Variants in TNN observed in about 807,000 individuals in gnomAD.
TNN encodes the protein tenascin-N.
In TNN, 122 loss-of-function variants were observed where a neutral mutation model predicts 134.4. The ratio of observed to expected loss-of-function variants is 0.91; its 90% CI spans 0.78 to 1.06. The LOEUF (loss-of-function observed/expected upper bound fraction) is 1.06. Among genes scored for constraint, TNN ranks in the 50% least tolerant of loss-of-function variants. TNN has a pLI of 0.00. For synonymous variants in TNN, 710 were observed against 670.3 expected (o/e 1.06, Z -0.91); for missense variants, 1,739 against 1,699.4 (o/e 1.02, Z -0.41).
chr1:175,100,380 A>T (rs1483889351), intron 9 of TNN, among the ~76,000 whole-genome samples: 4 of 152,192 alleles, frequency 2.6e-5, no homozygotes, highest in African/African-American at 9.6e-5. Flanking sequence ...AAAGTCTGTA[A>T]GGGATTCCAT....
At chr1:175,108,398 A>G (rs1574158065) in intron 9 of TNN, among the ~76,000 whole-genome samples, 1 of 152,200 alleles carries the variant, frequency 6.6e-6, no homozygotes, top group East Asian at 1.9e-4. Context: ...GGCTTCACCG[A>G]GTGGATCCCG....
At chr1:175,120,825 G>C (rs546564924) in intron 11 of TNN, among the ~76,000 whole-genome samples, 5 of 152,138 alleles carry the variant, frequency 3.3e-5, no homozygotes, top group Non-Finnish European at 7.3e-5. Context: ...TTCAGAGACA[G>C]GGTCTCATTC....
rs57690785 is a variant in TNN, at chr1:175,118,547, A to ATT, written c.2387-5_2387-4dup. On this transcript the variant is annotated splice_polypyrimidine_tract_variant and intron_variant, in intron 10 of 18. Coordinates refer to ENST00000239462, the MANE Select transcript of TNN (RefSeq NM_022093.2). ...CTGTTCATAGTGCATATTGGTCAGC[A>ATT]TTTTTTTTTTCAGACATTGACAGCC... 354 of 1,517,982 alleles carry ATT rather than the reference A, an allele frequency of 2.3e-4. No individual in the cohort carries two copies. Among genetic ancestry groups the ATT allele is most frequent in the African/African-American group, 7.8e-4 (56 of 71,842 alleles). The allele number at this position is 1,517,982 out of a possible 1,614,324, so 94.0% of individuals were successfully genotyped here. A position where few individuals can be genotyped will look rare whatever the true frequency, so the allele number is the denominator to read the frequency against.
chr1:175,115,712 G>A (rs1028308500), intron 9 of TNN, among the ~76,000 whole-genome samples: 2 of 152,144 alleles, frequency 1.3e-5, no homozygotes, highest in Non-Finnish European at 2.9e-5. Context: ...CAGGCCACAG[G>A]GGGTGGGGCA....
At chr1:175,145,236 G>T (rs1676034286) in intron 18 of TNN, among the ~76,000 whole-genome samples, 1 of 152,066 alleles carries the variant, frequency 6.6e-6, no homozygotes. Context: ...CTACTTTCTA[G>T]TTGTTCTCCT....
Position 175,094,363 on chromosome 1 carries a change from T to A in TNN, c.1588+110T>A, listed in dbSNP as rs1484132830. On this transcript the variant is annotated intron_variant, in intron 7 of 18. Coordinates refer to ENST00000239462, the MANE Select transcript of TNN (RefSeq NM_022093.2). ...GCATCAGCTCTTTTGTTTGCAGGAG[T>A]GGGGAGGAGGTTGCAAAACCAATTT... The A allele has an allele frequency of 5.9e-6, 7 of 1,185,664 alleles. No individual in the cohort carries two copies. The East Asian group carries it at 1.9e-4, about 32-fold the overall frequency. 73.4% of individuals were successfully genotyped at this position (1,185,664 alleles called of 1,614,324 possible). A position where few individuals can be genotyped will look rare whatever the true frequency, so the allele number is the denominator to read the frequency against.
At chr1:175,080,031 AG>A in intron 3 of TNN, 131 bp from the exon 4 acceptor site, 2 of 1,209,844 alleles carry the variant, frequency 1.7e-6, no homozygotes, top group South Asian at 2.8e-5. Context: ...AATAACTTCT[AG>A]GGGTCGGGAA....
At chr1:175,127,175 G>A (rs1035304951) in intron 13 of TNN, 90 bp downstream of exon 13, 140 of 1,496,240 alleles carry the variant, frequency 9.4e-5, no homozygotes, top group Non-Finnish European at 7.6e-5. Flanking sequence ...CTGGCCTCAC[G>A]GCAACTTGCT....
intron 12 of TNN, 28 bp from the exon 13 acceptor site, chr1:175,126,927 T>C: frequency 1.3e-6 from 2 of 1,588,864 alleles, no homozygotes; most frequent in South Asian, 1.2e-5. Context: ...ATCTTAGTAA[T>C]AACAATTACC....
intron 9 of TNN, among the ~76,000 whole-genome samples, chr1:175,106,693 A>G (rs1180988641): frequency 3.4e-5 from 5 of 146,246 alleles, no homozygotes; most frequent in Admixed American, 3.4e-4. Flanking sequence ...CTTGGGCGAC[A>G]TGCTTTTGAG....
At chr1:175,099,518 T>A (rs142155586) in intron 9 of TNN, among the ~76,000 whole-genome samples, 1 of 140,154 alleles carries the variant, frequency 7.1e-6, no homozygotes, top group African/African-American at 2.7e-5. Flanking sequence ...AAGTGAGGGG[T>A]TGGGAAGAGG....
chr1:175,108,456 C>T (rs975548530), intron 9 of TNN, among the ~76,000 whole-genome samples: 8 of 152,356 alleles, frequency 5.3e-5, no homozygotes, highest in Admixed American at 1.3e-4. Flanking sequence ...GCCATGAGCT[C>T]GTACTCGTCA....
rs561279916 is a variant in TNN at position 175,088,056 on chromosome 1, C to G, written c.1324+2562C>G. On this transcript the variant is annotated intron_variant, in intron 6 of 18. Coordinates refer to ENST00000239462, the MANE Select transcript of TNN (RefSeq NM_022093.2). ...CCCCAAACCTCCACTTGTTCAGCAACCAGGAAGCACTCTGAACCCAGTCCT... is the reference window on the plus strand; with the variant it reads ...CCCCAAACCTCCACTTGTTCAGCAAGCAGGAAGCACTCTGAACCCAGTCCT... Among the ~76,000 whole-genome samples, 11 of 152,326 alleles carry G rather than the reference C, an allele frequency of 7.2e-5. No individual in the cohort carries two copies. The South Asian group carries it at 8.3e-4, about 11-fold the overall frequency.
rs1407116305 is a variant in TNN at position 175,147,174 on chromosome 1, A to G, written c.*103A>G. The G allele has an allele frequency of 4.3e-6, 5 of 1,152,956 alleles. No homozygotes were observed. The highest frequency in any genetic ancestry group is 7.1e-5 in the Admixed American group (2 of 28,168). 71.4% of individuals were successfully genotyped at this position (1,152,956 alleles called of 1,614,324 possible). ...GTCTGGGAGTGCTCAGATAGCCCGCAGAACAAATCATGTCACCAAGCTTCA... is the reference window on the plus strand; with the variant it reads ...GTCTGGGAGTGCTCAGATAGCCCGCGGAACAAATCATGTCACCAAGCTTCA... On this transcript the variant is annotated 3_prime_UTR_variant, in exon 19 of 19. Transcript: ENST00000239462.
chr1:175,144,733 C>T (rs1470290250), intron 18 of TNN, among the ~76,000 whole-genome samples, 183 bp downstream of exon 18: 2 of 152,256 alleles, frequency 1.3e-5, no homozygotes, highest in Non-Finnish European at 2.9e-5. Context: ...GGCCATGGCC[C>T]TGCTTGTTTT....
At chr1:175,120,100 G>A (rs1421353754) in intron 11 of TNN, among the ~76,000 whole-genome samples, 1 of 152,236 alleles carries the variant, frequency 6.6e-6, no homozygotes, top group East Asian at 1.9e-4. Context: ...TAGACGCTGT[G>A]TGATAGAAAG....
intron 9 of TNN, among the ~76,000 whole-genome samples, 198 bp from the exon 10 acceptor site, chr1:175,116,741 C>T (rs951933708): frequency 6.6e-6 from 1 of 152,226 alleles, no homozygotes; most frequent in African/African-American, 2.4e-5. Context: ...TCTCATACCA[C>T]TCTCCTGTGC....
chr1:175,145,654 C>A (rs560869005), intron 18 of TNN, among the ~76,000 whole-genome samples: 82 of 150,634 alleles, frequency 5.4e-4, no homozygotes, highest in African/African-American at 1.8e-3. Context: ...CCACTTCACC[C>A]AAAACCTTCC....
At chr1:175,141,810 G>T (rs1198092595) in intron 17 of TNN, among the ~76,000 whole-genome samples, 1 of 152,148 alleles carries the variant, frequency 6.6e-6, no homozygotes, top group Non-Finnish European at 1.5e-5. Context: ...GGCCTGCCAT[G>T]AACCCCTCCA....
Sources: gnomAD v4.1 joint callset for allele counts (sites outside exome capture counted in the v4.1 genomes callset) on GRCh38, gnomAD v4.1.1 for gene constraint, MANE v1.5 for transcripts, NCBI Gene and HGNC (gene_info 2026-07-23, HGNC 2026-07-21) for gene names.